KLF12: variants seen among roughly 807,000 people sequenced by gnomAD.
The protein encoded by KLF12 is Krueppel-like factor 12.
Under a neutral mutation model 37.8 loss-of-function variants are expected in KLF12, and 9 were observed. That is an observed-to-expected ratio of 0.24 (90% CI 0.14 to 0.42). KLF12 has a LOEUF of 0.42. KLF12 is among the 10% of genes least tolerant of loss of function. KLF12 has a pLI of 1.00. For missense variants in KLF12, 411 were observed against 516.0 expected (o/e 0.80, Z 1.97); for synonymous variants, 208 against 202.1 (o/e 1.03, Z -0.25).
chr13:73,736,304 T>C (rs1403462383), intron 6 of KLF12, among the ~76,000 whole-genome samples: 1 of 152,198 alleles, frequency 6.6e-6, no homozygotes, highest in African/African-American at 2.4e-5. Flanking sequence ...ATGACATTAA[T>C]TAAGGATATC....
intron 2 of KLF12, among the ~76,000 whole-genome samples, chr13:73,948,518 T>C (rs927961385): frequency 6.6e-6 from 1 of 152,176 alleles, no homozygotes; most frequent in Non-Finnish European, 1.5e-5. Flanking sequence ...CAGGATGGCA[T>C]AGCAGATTCT....
the KLF12 span, among the ~76,000 whole-genome samples, chr13:74,305,570 C>T: frequency 6.6e-6 from 1 of 152,004 alleles, no homozygotes; most frequent in African/African-American, 2.4e-5. Context: ...TTATAAAAAA[C>T]ATTGAAACTT....
chr13:73,972,438 T>C (rs577986043), intron 2 of KLF12, among the ~76,000 whole-genome samples: 1 of 152,050 alleles, frequency 6.6e-6, no homozygotes, highest in East Asian at 1.9e-4. Context: ...CTCAGGCACA[T>C]ATAGCCCATC....
Position 73,687,533 on chromosome 13 carries a change from T to C in KLF12, c.*7957A>G, listed in dbSNP as rs892176299. 6.6e-6 allele frequency: 1 copy of C among 152,002 alleles called. No individual in the cohort carries two copies. Among genetic ancestry groups the C allele is most frequent in the Non-Finnish European group, 1.5e-5 (1 of 67,990 alleles). The allele number at this position is 152,002 out of a possible 1,614,324, so 9.4% of individuals were successfully genotyped here. On this transcript the variant is annotated 3_prime_UTR_variant, in exon 8 of 8. Transcript: ENST00000377669. Reference sequence around the variant, plus strand: ...TTACAAAATTCTGCCATGGGAAAACTAGAACACAAGTAGGGCAAAAGCACT... The same window carrying C: ...TTACAAAATTCTGCCATGGGAAAACCAGAACACAAGTAGGGCAAAAGCACT...
intron 3 of KLF12, among the ~76,000 whole-genome samples, chr13:73,902,702 C>A (rs756086199): frequency 5.3e-4 from 80 of 152,298 alleles, no homozygotes; most frequent in South Asian, 2.3e-3. Context: ...TTAATGTTCC[C>A]TCTATTCTTT....
chr13:73,781,333 T>C (rs1341330027), intron 5 of KLF12, among the ~76,000 whole-genome samples: 1 of 152,226 alleles, frequency 6.6e-6, no homozygotes, highest in African/African-American at 2.4e-5. Context: ...TATTGCAACG[T>C]TTACTTCATT....
intron 1 of KLF12, among the ~76,000 whole-genome samples, chr13:74,120,160 T>G (rs1384044814): frequency 3.3e-5 from 5 of 152,186 alleles, no homozygotes; most frequent in Non-Finnish European, 2.9e-5. Context: ...CTGAGAAATG[T>G]CATTCCCAGC....
intron 5 of KLF12, chr13:73,800,370 T>C (rs1882221685): frequency 6.6e-6 from 1 of 152,072 alleles, no homozygotes; most frequent in African/African-American, 2.4e-5. Context: ...ACCAGAATCA[T>C]CTAGAAATTT....
At chr13:74,183,923 G>C in the KLF12 span, among the ~76,000 whole-genome samples, 1,655 of 152,296 alleles carry the variant, frequency 0.011, 37 homozygotes, top group African/African-American at 0.038. Flanking sequence ...GGGTGATAGA[G>C]AGAGACCCTG....
At chr13:73,796,507 C>CTGTGTG (rs5804694) in intron 5 of KLF12, among the ~76,000 whole-genome samples, 3,301 of 140,296 alleles carry the variant, frequency 0.024, 57 homozygotes, top group Middle Eastern at 0.042. Flanking sequence ...TGCCCCTGTG[C>CTGTGTG]TGTGTGTGTG....
chr13:74,174,702 CA>C, the KLF12 span, among the ~76,000 whole-genome samples: 1 of 152,176 alleles, frequency 6.6e-6, no homozygotes, highest in Non-Finnish European at 1.5e-5. Flanking sequence ...AAAAAAGTCA[CA>C]ACTTTCCAGC....
the KLF12 span, among the ~76,000 whole-genome samples, chr13:74,217,019 C>A: frequency 6.6e-6 from 1 of 152,092 alleles, no homozygotes; most frequent in Non-Finnish European, 1.5e-5. Context: ...CTAGCAATTT[C>A]TTTTTTGTGT....
chr13:74,021,086 GA>G (rs1760070522), intron 1 of KLF12, among the ~76,000 whole-genome samples: 1 of 152,118 alleles, frequency 6.6e-6, no homozygotes, highest in South Asian at 2.1e-4. Flanking sequence ...TAAAGACGGT[GA>G]AAAGGTGGTT....
At chr13:74,023,173 C>T (rs1412600258) in intron 1 of KLF12, among the ~76,000 whole-genome samples, 1 of 152,124 alleles carries the variant, frequency 6.6e-6, no homozygotes, top group Non-Finnish European at 1.5e-5. Context: ...GGATGGGATC[C>T]TAGTATGGAA....
intron 1 of KLF12, among the ~76,000 whole-genome samples, chr13:74,059,683 T>C (rs1171303790): frequency 6.6e-6 from 1 of 152,218 alleles, no homozygotes; most frequent in African/African-American, 2.4e-5. Flanking sequence ...TAGTCCTTTA[T>C]TATCAGAGGC....
At chr13:73,931,115 C>T (rs1889656419) in intron 3 of KLF12, among the ~76,000 whole-genome samples, 1 of 152,080 alleles carries the variant, frequency 6.6e-6, no homozygotes, top group Non-Finnish European at 1.5e-5. Flanking sequence ...GCCTCGGCCT[C>T]CCAAAGTGCT....
intron 3 of KLF12, among the ~76,000 whole-genome samples, chr13:73,883,156 C>T (rs1006046010): frequency 2.0e-5 from 3 of 152,020 alleles, no homozygotes; most frequent in Admixed American, 6.6e-5. Flanking sequence ...TTGTTGGTGG[C>T]TATTAAATAA....
the KLF12 span, among the ~76,000 whole-genome samples, chr13:74,299,430 G>T: frequency 1.3e-5 from 2 of 152,120 alleles, no homozygotes; most frequent in South Asian, 2.1e-4. Flanking sequence ...AATTGGAGTG[G>T]ATATACACAA....
At chr13:74,132,715 G>A (rs1297848674) in intron 1 of KLF12, among the ~76,000 whole-genome samples, 2 of 152,118 alleles carry the variant, frequency 1.3e-5, no homozygotes, top group Non-Finnish European at 2.9e-5. Context: ...AGGGTGAAGG[G>A]GGTTGGGAAG....
Sources: allele counts gnomAD v4.1 joint callset (sites outside exome capture counted in the v4.1 genomes callset), GRCh38; gene constraint gnomAD v4.1.1; transcripts MANE v1.5; gene names NCBI Gene and HGNC (gene_info 2026-07-23, HGNC 2026-07-21).